Variants in ADGRA1 observed in about 807,000 individuals in gnomAD.
The protein encoded by ADGRA1 is G-protein coupled receptor 123.
ADGRA1 carries 12 observed loss-of-function variants against 21.3 expected under a neutral mutation model. The observed-to-expected ratio is 0.56, with a 90% CI of 0.36 to 0.91. The LOEUF (loss-of-function observed/expected upper bound fraction) is 0.91. Among genes scored for constraint, ADGRA1 ranks in the 40% least tolerant of loss-of-function variants. The probability of loss-of-function intolerance (pLI) is 0.01; values close to 1 mark genes in which losing one functional copy is unlikely to be tolerated. For missense variants in ADGRA1, 790 were observed against 805.6 expected (o/e 0.98, Z 0.23); for synonymous variants, 385 against 368.8 (o/e 1.04, Z -0.50).
intron 5 of ADGRA1, among the ~76,000 whole-genome samples, chr10:133,126,020 G>A (rs1852369043): frequency 6.6e-6 from 1 of 152,198 alleles, no homozygotes; most frequent in South Asian, 2.1e-4. Flanking sequence ...CAGCGTTTCT[G>A]GTGTTTCTCC....
intron 5 of ADGRA1, 114 bp downstream of exon 5, chr10:133,102,956 G>C: frequency 2.7e-6 from 3 of 1,127,404 alleles, no homozygotes; most frequent in Non-Finnish European, 3.7e-6. Flanking sequence ...AGGATGATCC[G>C]GTCCATGGGG....
At chr10:133,097,199 GT>G in intron 3 of ADGRA1, 98 bp downstream of exon 3, 1 of 1,429,198 alleles carries the variant, frequency 7.0e-7, no homozygotes, top group Non-Finnish European at 9.6e-7. Context: ...GCCCCCTCAT[GT>G]AGCAAGAAGT....
In ADGRA1 at chr10:133,088,080, G is replaced by T; in HGVS notation, c.-261G>T. The T allele has an allele frequency of 4.1e-6, 4 of 985,236 alleles. No individual in the cohort carries two copies. The highest frequency in any genetic ancestry group is 4.8e-6 in the Non-Finnish European group (4 of 829,878). The allele number at this position is 985,236 out of a possible 1,614,324, so 61.0% of individuals were successfully genotyped here. ...GCGGGTCCCCGGCGGGGGGAGCGCA[G>T]CGCGTCTGTCTCCGGGAGCGCGGCC... On this transcript the variant is annotated 5_prime_UTR_variant, in exon 1 of 7. Transcript: ENST00000392607.
At chr10:133,105,160 G>A (rs192096911) in intron 5 of ADGRA1, among the ~76,000 whole-genome samples, 434 of 152,332 alleles carry the variant, frequency 2.8e-3, no homozygotes, top group Middle Eastern at 6.8e-3. Context: ...GGAGGGAAGG[G>A]CACAGACGCC....
chr10:133,120,540 G>A (rs778249459), intron 5 of ADGRA1, among the ~76,000 whole-genome samples: 12 of 152,222 alleles, frequency 7.9e-5, no homozygotes, highest in Non-Finnish European at 1.3e-4. Context: ...ACGTTATGAA[G>A]ACAGTTTCTG....
chr10:133,128,356 G>T lies in ADGRA1; in HGVS notation c.528G>T (p.Leu176=). The change falls in exon 7 of 7, where the codon CTG becomes CTT. Residue 176 remains leucine, a synonymous_variant. Transcript: ENST00000392607. ...GCTGGATGGCCTGGGAGCCCAGCCT[G>T]GGCGCCTTCTACGGCCCAGCCGCCA... ...AYCWMAWEPS[L]GAFYGPAAII... The T allele has an allele frequency of 1.3e-6, 2 of 1,562,854 alleles. No homozygotes were observed. The highest frequency in any genetic ancestry group is 1.2e-5 in the South Asian group (1 of 83,626).
chr10:133,094,714 G>A (rs956110544), intron 2 of ADGRA1, among the ~76,000 whole-genome samples: 20 of 152,150 alleles, frequency 1.3e-4, no homozygotes, highest in Non-Finnish European at 2.2e-4. Context: ...ATGGCTCGTC[G>A]GAACTGTGTA....
intron 5 of ADGRA1, among the ~76,000 whole-genome samples, chr10:133,124,225 G>T (rs547328337): frequency 2.0e-5 from 3 of 148,752 alleles, no homozygotes; most frequent in Non-Finnish European, 4.4e-5. Flanking sequence ...CAACCTCCCC[G>T]GCCAAGCCAC....
intron 5 of ADGRA1, among the ~76,000 whole-genome samples, chr10:133,112,630 G>A (rs1194016368): frequency 1.4e-5 from 2 of 143,602 alleles, no homozygotes; most frequent in African/African-American, 5.2e-5. Context: ...GGTTATTTGG[G>A]GTCTACGGGC....
chr10:133,100,249 G>A (rs952214580), intron 4 of ADGRA1, among the ~76,000 whole-genome samples: 3 of 152,230 alleles, frequency 2.0e-5, no homozygotes, highest in East Asian at 1.9e-4. Flanking sequence ...AAGGTCAGAC[G>A]TACCTCCTGC....
intron 2 of ADGRA1, chr10:133,089,135 T>C (rs1284958977): frequency 1.8e-5 from 14 of 772,266 alleles, no homozygotes; most frequent in Non-Finnish European, 2.5e-5. Flanking sequence ...CTGATCATAC[T>C]AATGAGTTGC....
At position 133,128,992 on chromosome 10, in the gene ADGRA1, C is replaced by T; in HGVS notation, c.1164C>T (p.His388=). 1 of 1,565,826 alleles carries T rather than the reference C, an allele frequency of 6.4e-7. No homozygotes were observed. Among genetic ancestry groups the T allele is most frequent in the Non-Finnish European group, 8.6e-7 (1 of 1,156,170 alleles). Residue 388 remains histidine, a synonymous_variant, in exon 7 of 7, where the codon CAC becomes CAT. Coordinates refer to ENST00000392607, the MANE Select transcript of ADGRA1 (RefSeq NM_001083909.3). ...CCACCCCGTGCTGCGCCAAGATGCA[C>T]TGCGAGCCACTGACGGCGGACGAGG... ...SPATPCCAKM[H]CEPLTADEAH...
rs147699761 is a variant in ADGRA1 at position 133,088,069 on chromosome 10, G to T, written c.-272G>T. The T allele has an allele frequency of 1.5e-4, 150 of 985,150 alleles. No homozygotes were observed. The highest frequency in any genetic ancestry group is 8.0e-4 in the East Asian group (7 of 8,804). The allele number at this position is 985,150 out of a possible 1,614,324, so 61.0% of individuals were successfully genotyped here. On this transcript the variant is annotated 5_prime_UTR_variant, in exon 1 of 7. Coordinates refer to ENST00000392607, the MANE Select transcript of ADGRA1 (RefSeq NM_001083909.3). ...GCGAATGGAGAGCGGGTCCCCGGCG[G>T]GGGGAGCGCAGCGCGTCTGTCTCCG... is the stretch of plus-strand genomic sequence containing the variant.
intron 5 of ADGRA1, among the ~76,000 whole-genome samples, chr10:133,103,488 C>T (rs999928371): frequency 6.6e-6 from 1 of 152,226 alleles, no homozygotes; most frequent in East Asian, 1.9e-4. Context: ...TCCCCCGCCG[C>T]CCCGGCGGCC....
intron 2 of ADGRA1, among the ~76,000 whole-genome samples, chr10:133,092,783 A>C (rs1389005531): frequency 1.4e-5 from 2 of 138,392 alleles, no homozygotes. Context: ...GGAAGGAAGG[A>C]AGGAAGGAAG....
intron 5 of ADGRA1, among the ~76,000 whole-genome samples, chr10:133,104,560 G>C (rs1049067303): frequency 6.6e-6 from 1 of 152,176 alleles, no homozygotes; most frequent in Non-Finnish European, 1.5e-5. Flanking sequence ...CCATGGTGCC[G>C]AGGCGACTGC....
chr10:133,121,161 T>C (rs1209474053), intron 5 of ADGRA1, among the ~76,000 whole-genome samples: 2 of 152,190 alleles, frequency 1.3e-5, no homozygotes, highest in Non-Finnish European at 2.9e-5. Flanking sequence ...CAGCTCCCCA[T>C]AGTAATCATG....
At chr10:133,126,609 G>T (rs61862116) in intron 5 of ADGRA1, among the ~76,000 whole-genome samples, 1 of 152,208 alleles carries the variant, frequency 6.6e-6, no homozygotes, top group Admixed American at 6.5e-5. Flanking sequence ...CATCCCGCTT[G>T]GATCCCTGGG....
chr10:133,095,842 C>T, intron 2 of ADGRA1: 3 of 1,558,332 alleles, frequency 1.9e-6, no homozygotes, highest in Non-Finnish European at 1.7e-6. Flanking sequence ...CTTCCCGCCT[C>T]ACTCAGCCGG....
Sources: allele counts gnomAD v4.1 joint callset (sites outside exome capture counted in the v4.1 genomes callset), GRCh38; gene constraint gnomAD v4.1.1; transcripts MANE v1.5; gene names NCBI Gene and HGNC (gene_info 2026-07-23, HGNC 2026-07-21).